Variants in PTPRD observed in about 807,000 individuals in gnomAD.
The protein encoded by PTPRD is protein tyrosine phosphatase receptor type D, also known as receptor-type tyrosine-protein phosphatase delta.
A neutral mutation model predicts 214.5 loss-of-function variants in PTPRD; 34 were observed. The observed-to-expected ratio is 0.16, with a 90% CI of 0.12 to 0.21. The LOEUF (loss-of-function observed/expected upper bound fraction) is 0.21, where lower values mean the gene tolerates loss of function less well. Among genes scored for constraint, PTPRD ranks in the 10% least tolerant of loss-of-function variants. The pLI is 1.00. For synonymous variants in PTPRD, 1,128 were observed against 845.7 expected (o/e 1.33, Z -5.79); for missense variants, 2,545 against 2,398.7 (o/e 1.06, Z -1.27).
chr9:9,819,775 G>C (rs2050078912), intron 5 of PTPRD, among the ~76,000 whole-genome samples: 1 of 152,030 alleles, frequency 6.6e-6, no homozygotes. Context: ...GCACCAATTT[G>C]CTTAGGATAA....
intron 7 of PTPRD, among the ~76,000 whole-genome samples, chr9:9,706,144 T>G (rs573063018): frequency 2.0e-5 from 3 of 152,284 alleles, no homozygotes; most frequent in Non-Finnish European, 4.4e-5. Context: ...CTCTTAAAAC[T>G]AATTACCACA....
intron 2 of PTPRD, among the ~76,000 whole-genome samples, chr9:10,353,682 C>G (rs897540109): frequency 6.6e-6 from 1 of 151,806 alleles, no homozygotes; most frequent in African/African-American, 2.4e-5. Context: ...CTATCCCTCA[C>G]AAAATGAGAG....
chr9:9,641,198 A>T (rs567411835), intron 7 of PTPRD, among the ~76,000 whole-genome samples: 11 of 152,240 alleles, frequency 7.2e-5, no homozygotes, highest in African/African-American at 2.6e-4. Flanking sequence ...AGTTGTTTTC[A>T]TTTCATCAAA....
At chr9:9,796,449 C>G (rs2099003086) in intron 5 of PTPRD, among the ~76,000 whole-genome samples, 1 of 151,944 alleles carries the variant, frequency 6.6e-6, no homozygotes, top group Admixed American at 6.6e-5. Context: ...CTCTGATGTT[C>G]AGGAGAAAAT....
intron 10 of PTPRD, among the ~76,000 whole-genome samples, chr9:9,077,750 C>A (rs1340595217): frequency 6.6e-6 from 1 of 151,934 alleles, no homozygotes; most frequent in Non-Finnish European, 1.5e-5. Context: ...CACAGCTATG[C>A]CTACCTATAC....
intron 2 of PTPRD, among the ~76,000 whole-genome samples, chr9:10,393,707 A>G (rs1033401342): frequency 6.8e-6 from 1 of 147,238 alleles, no homozygotes; most frequent in Admixed American, 6.9e-5. Context: ...TAATATATAT[A>G]ATATATATAT....
chr9:9,409,341 C>G (rs1229836000), intron 8 of PTPRD, among the ~76,000 whole-genome samples: 1 of 151,906 alleles, frequency 6.6e-6, no homozygotes, highest in African/African-American at 2.4e-5. Flanking sequence ...ATTTTTTATG[C>G]ATATGAATAT....
At chr9:9,800,692 G>C (rs1245325291) in intron 5 of PTPRD, 1 of 152,118 alleles carries the variant, frequency 6.6e-6, no homozygotes, top group Non-Finnish European at 1.5e-5. Context: ...CCTGATAAAT[G>C]TATTTTGACT....
chr9:10,279,280 A>G (rs531346903), intron 3 of PTPRD, among the ~76,000 whole-genome samples: 1 of 152,314 alleles, frequency 6.6e-6, no homozygotes, highest in East Asian at 1.9e-4. Flanking sequence ...AAATGAGGAA[A>G]AAATCAGATA....
chr9:8,405,595 C>A (rs2092893682), intron 35 of PTPRD, among the ~76,000 whole-genome samples: 1 of 151,994 alleles, frequency 6.6e-6, no homozygotes, highest in African/African-American at 2.4e-5. Flanking sequence ...AATCAAAATA[C>A]TTTTTCTTTC....
chr9:9,049,766 G>A (rs1398063306), intron 10 of PTPRD, among the ~76,000 whole-genome samples: 2 of 152,078 alleles, frequency 1.3e-5, no homozygotes, highest in African/African-American at 4.8e-5. Flanking sequence ...ATATTTCAGA[G>A]CACTCTGTAA....
chr9:10,218,467 C>T (rs1051505360), intron 3 of PTPRD, among the ~76,000 whole-genome samples: 3 of 151,744 alleles, frequency 2.0e-5, no homozygotes, highest in African/African-American at 7.3e-5. Context: ...AAATTTTTAG[C>T]CTTTAGTATT....
At chr9:9,699,645 A>T (rs546184768) in intron 7 of PTPRD, among the ~76,000 whole-genome samples, 15 of 152,204 alleles carry the variant, frequency 9.9e-5, no homozygotes, top group Non-Finnish European at 1.8e-4. Flanking sequence ...CTTTTGACCA[A>T]CTAAGTGCCT....
At chr9:9,946,477 C>G (rs1248969802) in intron 4 of PTPRD, among the ~76,000 whole-genome samples, 1 of 152,082 alleles carries the variant, frequency 6.6e-6, no homozygotes, top group East Asian at 1.9e-4. Flanking sequence ...AATAAACTTA[C>G]AGAAAGAGTG....
At chr9:8,616,285 G>T (rs1267726582) in intron 14 of PTPRD, among the ~76,000 whole-genome samples, 1 of 152,116 alleles carries the variant, frequency 6.6e-6, no homozygotes, top group Non-Finnish European at 1.5e-5. Context: ...GGAATGTCGA[G>T]ATGTCAGGAG....
intron 35 of PTPRD, among the ~76,000 whole-genome samples, chr9:8,436,262 G>C: frequency 6.6e-6 from 1 of 152,016 alleles, no homozygotes; most frequent in Non-Finnish European, 1.5e-5. Context: ...GCGATCTATT[G>C]CACAGAATGG....
intron 14 of PTPRD, among the ~76,000 whole-genome samples, chr9:8,580,254 AG>A (rs2092929409): frequency 6.6e-6 from 1 of 152,200 alleles, no homozygotes; most frequent in South Asian, 2.1e-4. Context: ...TAAGCATTAG[AG>A]GGAGATAACT....
At chr9:10,141,257 T>C (rs367758330) in intron 3 of PTPRD, among the ~76,000 whole-genome samples, 32 of 151,918 alleles carry the variant, frequency 2.1e-4, no homozygotes, top group Admixed American at 1.8e-3. Context: ...CCAGGGCAAT[T>C]AGGCAGGAGA....
chr9:10,592,717 C>T (rs1306116469), intron 2 of PTPRD, among the ~76,000 whole-genome samples: 6 of 152,024 alleles, frequency 3.9e-5, no homozygotes, highest in East Asian at 3.9e-4. Context: ...CACCAATCAG[C>T]GCTTTGTAGC....
Sources: gnomAD v4.1 joint callset for allele counts (sites outside exome capture counted in the v4.1 genomes callset) on GRCh38, gnomAD v4.1.1 for gene constraint, MANE v1.5 for transcripts, NCBI Gene and HGNC (gene_info 2026-07-23, HGNC 2026-07-21) for gene names.